Variants in NDUFS4 observed in about 807,000 individuals in gnomAD.
NDUFS4 encodes the protein NADH:ubiquinone oxidoreductase subunit S4, also known as NADH dehydrogenase [ubiquinone] iron-sulfur protein 4, mitochondrial.
NDUFS4 carries 28 observed loss-of-function variants against 24.3 expected under a neutral mutation model. The observed-to-expected ratio is 1.15, with a 90% confidence interval of 0.85 to 1.58. The LOEUF is 1.58. Ranked by LOEUF, NDUFS4 falls within the 40% of genes most tolerant of loss-of-function variation. NDUFS4 has a pLI of 0.00. For missense variants in NDUFS4, 223 were observed against 207.9 expected (o/e 1.07, Z -0.45); for synonymous variants, 93 against 69.7 (o/e 1.34, Z -1.67).
chr5:53,665,983 T>C (rs998655911), intron 4 of NDUFS4, among the ~76,000 whole-genome samples: 1 of 152,218 alleles, frequency 6.6e-6, no homozygotes, highest in Non-Finnish European at 1.5e-5. Context: ...TAACTCTTAA[T>C]AGACCTTTAA....
chr5:53,631,561 C>T (rs1034108471), intron 2 of NDUFS4, among the ~76,000 whole-genome samples: 2 of 152,174 alleles, frequency 1.3e-5, no homozygotes, highest in Non-Finnish European at 2.9e-5. Context: ...GGCTGCTTGC[C>T]TTTTGTTCGG....
At chr5:53,674,984 T>C (rs1240028413) in intron 4 of NDUFS4, among the ~76,000 whole-genome samples, 2 of 152,046 alleles carry the variant, frequency 1.3e-5, no homozygotes, top group Non-Finnish European at 2.9e-5. Flanking sequence ...TCAAAATGTT[T>C]GTTAGTTGCT....
At chr5:53,607,623 G>A (rs1750564892) in intron 2 of NDUFS4, among the ~76,000 whole-genome samples, 1 of 152,160 alleles carries the variant, frequency 6.6e-6, no homozygotes, top group Non-Finnish European at 1.5e-5. Flanking sequence ...ACCAGTGCAT[G>A]ATATAAAATC....
At chr5:53,571,062 A>G (rs1362256265) in intron 1 of NDUFS4, among the ~76,000 whole-genome samples, 4 of 152,064 alleles carry the variant, frequency 2.6e-5, no homozygotes, top group South Asian at 4.1e-4. Context: ...GGCTTTATTT[A>G]GCTATAATTT....
chr5:53,607,406 A>G (rs773413986), intron 2 of NDUFS4, among the ~76,000 whole-genome samples: 29 of 152,208 alleles, frequency 1.9e-4, no homozygotes, highest in Non-Finnish European at 4.0e-4. Context: ...AAATCTCAGC[A>G]TCACAAAATA....
At chr5:53,647,681 A>G (rs1302697776) in intron 3 of NDUFS4, among the ~76,000 whole-genome samples, 1 of 152,212 alleles carries the variant, frequency 6.6e-6, no homozygotes, top group Non-Finnish European at 1.5e-5. Context: ...CAGATAAGCT[A>G]GAAAATTGTC....
intron 1 of NDUFS4, among the ~76,000 whole-genome samples, chr5:53,592,862 T>C (rs972263711): frequency 1.3e-5 from 2 of 152,218 alleles, no homozygotes; most frequent in African/African-American, 2.4e-5. Flanking sequence ...GTCTTTTGTC[T>C]TTCCATATGA....
At chr5:53,670,783 A>T (rs1204627051) in intron 4 of NDUFS4, among the ~76,000 whole-genome samples, 2 of 151,564 alleles carry the variant, frequency 1.3e-5, no homozygotes, top group African/African-American at 2.4e-5. Context: ...TGAATTAAGG[A>T]TATGTAGAAA....
chr5:53,611,004 C>G (rs190298095), intron 2 of NDUFS4, among the ~76,000 whole-genome samples: 1 of 152,070 alleles, frequency 6.6e-6, no homozygotes, highest in Admixed American at 6.6e-5. Flanking sequence ...AGTCGTGTTT[C>G]TTTTCATCCA....
At chr5:53,561,672 G>A (rs559231926) in intron 1 of NDUFS4, among the ~76,000 whole-genome samples, 8 of 152,252 alleles carry the variant, frequency 5.3e-5, no homozygotes, top group Middle Eastern at 3.4e-3. Context: ...GTAGGAGGTG[G>A]ATGCAAGTGG....
chr5:53,661,838 A>G (rs372751401), intron 4 of NDUFS4, among the ~76,000 whole-genome samples: 1 of 152,322 alleles, frequency 6.6e-6, no homozygotes, highest in East Asian at 1.9e-4. Context: ...GTTTTTGCAC[A>G]TGGATTTTAT....
chr5:53,603,316 T>G, intron 1 of NDUFS4, 136 bp from the exon 2 acceptor site: 1 of 693,508 alleles, frequency 1.4e-6, no homozygotes. Flanking sequence ...TTTTGTGCCC[T>G]CTTCTCTTTC....
chr5:53,638,300 C>T (rs924483787), intron 2 of NDUFS4, among the ~76,000 whole-genome samples: 2 of 151,930 alleles, frequency 1.3e-5, no homozygotes, highest in African/African-American at 2.4e-5. Context: ...TTTCCAGGGA[C>T]CCTCTGGAAA....
At chr5:53,663,179 TTA>T (rs1254675445) in intron 4 of NDUFS4, among the ~76,000 whole-genome samples, 3 of 152,226 alleles carry the variant, frequency 2.0e-5, no homozygotes. Flanking sequence ...CACTGTGGTC[TTA>T]GAGACAGTTT....
intron 2 of NDUFS4, among the ~76,000 whole-genome samples, chr5:53,623,218 A>G (rs1204225958): frequency 6.6e-6 from 1 of 152,174 alleles, no homozygotes; most frequent in Non-Finnish European, 1.5e-5. Context: ...TGGCTGCACC[A>G]TTTTACATTC....
intron 1 of NDUFS4, among the ~76,000 whole-genome samples, chr5:53,578,732 C>T (rs575608975): frequency 1.2e-4 from 19 of 152,270 alleles, no homozygotes; most frequent in Non-Finnish European, 2.2e-4. Context: ...TGCTCCTCCT[C>T]GATGTCATCA....
At chr5:53,648,579 A>C (rs1263363762) in intron 3 of NDUFS4, among the ~76,000 whole-genome samples, 1 of 152,226 alleles carries the variant, frequency 6.6e-6, no homozygotes, top group Non-Finnish European at 1.5e-5. Context: ...TGGTGCCTGC[A>C]TCTGTAAGAA....
At chr5:53,565,865 T>C (rs2112406335) in intron 1 of NDUFS4, among the ~76,000 whole-genome samples, 1 of 150,520 alleles carries the variant, frequency 6.6e-6, no homozygotes, top group South Asian at 2.1e-4. Flanking sequence ...AGAGTAACTA[T>C]GCGAAGTTTT....
At chr5:53,648,198 C>T (rs1429526270) in intron 3 of NDUFS4, among the ~76,000 whole-genome samples, 1 of 152,112 alleles carries the variant, frequency 6.6e-6, no homozygotes, top group Non-Finnish European at 1.5e-5. Flanking sequence ...TGGAGTGAAT[C>T]TGTATATGTG....
Sources: gnomAD v4.1 joint callset for allele counts (sites outside exome capture counted in the v4.1 genomes callset) on GRCh38, gnomAD v4.1.1 for gene constraint, MANE v1.5 for transcripts, NCBI Gene and HGNC (gene_info 2026-07-23, HGNC 2026-07-21) for gene names.